HDAC4: variants seen among roughly 807,000 people sequenced by gnomAD.
The protein encoded by HDAC4 is histone deacetylase A.
A neutral mutation model predicts 135.1 loss-of-function variants in HDAC4; 16 were observed. The ratio of observed to expected loss-of-function variants is 0.12; its 90% CI spans 0.08 to 0.18. The LOEUF is 0.18. Among genes scored for constraint, HDAC4 ranks in the 10% least tolerant of loss-of-function variants. The probability of loss-of-function intolerance (pLI) is 1.00; values close to 1 mark genes in which losing one functional copy is unlikely to be tolerated. For missense variants in HDAC4, 1,143 were observed against 1,511.8 expected (o/e 0.76, Z 4.05); for synonymous variants, 685 against 653.4 (o/e 1.05, Z -0.74).
Position 239,336,633 on chromosome 2 carries a change from G to T in HDAC4, c.22+16045C>A, listed in dbSNP as rs116271442. Among the ~76,000 whole-genome samples, 215 of 152,300 alleles carry T rather than the reference G, an allele frequency of 1.4e-3. 1 individual carries two copies. Among genetic ancestry groups the T allele is most frequent in the African/African-American group, 5.1e-3 (211 of 41,550 alleles). On this transcript the variant is annotated intron_variant, in intron 2 of 26. Transcript: ENST00000543185. The stretch of plus-strand genomic sequence containing the variant: ...AGTATCTATAAATGTACTTCATTTT[G>T]TGAACTCAAAATTCTTGACATATTT...
intron 3 of HDAC4, among the ~76,000 whole-genome samples, chr2:239,196,857 G>A (rs1454638199): frequency 6.6e-6 from 1 of 152,194 alleles, no homozygotes; most frequent in South Asian, 2.1e-4. Flanking sequence ...CAGAGGTCAG[G>A]CACAGACAAG....
chr2:239,057,061 A>T (rs548818083), intron 24 of HDAC4, among the ~76,000 whole-genome samples: 42 of 152,336 alleles, frequency 2.8e-4, no homozygotes, highest in African/African-American at 1.0e-3. Flanking sequence ...AAAGCTGGTG[A>T]CATCCAAATA....
chr2:239,380,015 C>T (rs999586586), intron 1 of HDAC4, among the ~76,000 whole-genome samples: 2 of 152,158 alleles, frequency 1.3e-5, no homozygotes, highest in East Asian at 1.9e-4. Context: ...GCCATCCAGC[C>T]GGGGGCGCCA....
intron 25 of HDAC4, among the ~76,000 whole-genome samples, chr2:239,054,384 T>C (rs1279802084): frequency 6.6e-6 from 1 of 152,054 alleles, no homozygotes; most frequent in Admixed American, 6.5e-5. Context: ...GACGTGGGCT[T>C]CTCTGGTCCA....
In HDAC4 at chr2:239,049,448, C is replaced by T. The variant is rs1445920883; in HGVS notation, c.*3649G>A. The T allele has an allele frequency of 1.3e-5, 2 of 151,696 alleles. No individual in the cohort carries two copies. Among genetic ancestry groups the T allele is most frequent in the Non-Finnish European group, 2.9e-5 (2 of 67,898 alleles). The allele number at this position is 151,696 out of a possible 1,614,324, so 9.4% of individuals were successfully genotyped here. ...CCATGCAACCTCCAGGTGTAGGAAACTTAAAAAAATATATTCATATATATT... is the reference window on the plus strand; with the variant it reads ...CCATGCAACCTCCAGGTGTAGGAAATTTAAAAAAATATATTCATATATATT... On this transcript the variant is annotated 3_prime_UTR_variant, in exon 27 of 27. Coordinates refer to ENST00000543185, the MANE Select transcript of HDAC4 (RefSeq NM_001378414.1).
At chr2:239,266,591 A>G (rs1474491793) in intron 2 of HDAC4, among the ~76,000 whole-genome samples, 1 of 152,228 alleles carries the variant, frequency 6.6e-6, no homozygotes, top group Non-Finnish European at 1.5e-5. Context: ...CTGGGAAATT[A>G]TAAGCCACTG....
At chr2:239,188,675 C>T (rs762195710) in intron 4 of HDAC4, among the ~76,000 whole-genome samples, 63 of 152,366 alleles carry the variant, frequency 4.1e-4, no homozygotes, top group Non-Finnish European at 5.7e-4. Context: ...CAGTGGCTTG[C>T]CAAGACTTAG....
chr2:239,139,070 G>A lies in HDAC4; in HGVS notation c.978+614C>T, dbSNP rs2041168687. Among the ~76,000 whole-genome samples the A allele has an allele frequency of 6.6e-6, 1 of 152,224 alleles. No homozygotes were observed. The highest frequency in any genetic ancestry group is 2.4e-5 in the African/African-American group (1 of 41,468). On this transcript the variant is annotated intron_variant, in intron 9 of 26. Coordinates refer to ENST00000543185, the MANE Select transcript of HDAC4 (RefSeq NM_001378414.1). The surrounding 1 kb of genome is among the most constrained non-coding windows in gnomAD (Gnocchi z 5.3). ...CACTTGGGGTCTGATGAAGGCAGGG[G>A]ACCAGGGGTGCTGAGCTCTGCGGTC... is the stretch of plus-strand genomic sequence containing the variant.
At chr2:239,345,265 C>T (rs966957296) in intron 2 of HDAC4, among the ~76,000 whole-genome samples, 3 of 152,132 alleles carry the variant, frequency 2.0e-5, no homozygotes, top group African/African-American at 7.2e-5. Flanking sequence ...TTGTAGTACT[C>T]CTGGCCGGAT....
intron 3 of HDAC4, among the ~76,000 whole-genome samples, chr2:239,212,747 G>A (rs605614): frequency 0.54 from 82,211 of 151,950 alleles, 23,344 homozygotes; most frequent in South Asian, 0.72. Flanking sequence ...GGAGGAGCTG[G>A]GAGGGTCCTC....
intron 2 of HDAC4, among the ~76,000 whole-genome samples, chr2:239,332,488 T>C (rs555075871): frequency 2.6e-5 from 4 of 152,126 alleles, no homozygotes; most frequent in Admixed American, 1.3e-4. Flanking sequence ...ATATTTCTAA[T>C]TAACACAAGT....
chr2:239,205,366 C>T (rs953723701), intron 3 of HDAC4, among the ~76,000 whole-genome samples: 3 of 152,150 alleles, frequency 2.0e-5, no homozygotes, highest in South Asian at 4.2e-4. Context: ...ATATGGGCAA[C>T]GTTATCCAAC....
chr2:239,090,676 G>T (rs2036430612), intron 17 of HDAC4, among the ~76,000 whole-genome samples: 1 of 150,788 alleles, frequency 6.6e-6, no homozygotes, highest in African/African-American at 2.4e-5. Context: ...GAAACTTTTT[G>T]AGCGCTTACG....
chr2:239,357,878 G>A (rs1180599948), intron 1 of HDAC4, among the ~76,000 whole-genome samples: 1 of 108,638 alleles, frequency 9.2e-6, no homozygotes, highest in Non-Finnish European at 1.7e-5. Context: ...GACAGAGCAA[G>A]CCTCTGTTCC....
intron 15 of HDAC4, among the ~76,000 whole-genome samples, chr2:239,107,515 C>T (rs1392953063): frequency 6.6e-6 from 1 of 152,258 alleles, no homozygotes; most frequent in East Asian, 1.9e-4. Flanking sequence ...TCACGACCCA[C>T]TGCCTCGCCA....
At position 239,060,066 on chromosome 2, in the gene HDAC4, C is replaced by T. The variant is rs577670908; in HGVS notation, c.3004-5233G>A. On this transcript the variant is annotated intron_variant, in intron 24 of 26. Transcript: ENST00000543185. ...CCAGCCTGGCTCTGTCCCAGTCCTC[C>T]GCCGGTGGAAACAGGGCACCCTTCA... 2.5e-4 allele frequency among the ~76,000 whole-genome samples: 38 copies of T among 152,340 alleles called. 1 individual carries two copies. Among genetic ancestry groups the T allele is most frequent in the South Asian group, 1.9e-3 (9 of 4,830 alleles).
chr2:239,211,079 A>G (rs926543666), intron 3 of HDAC4, among the ~76,000 whole-genome samples: 1 of 152,064 alleles, frequency 6.6e-6, no homozygotes, highest in Admixed American at 6.5e-5. Context: ...TAAACGTTAC[A>G]ATACCTGCAG....
intron 23 of HDAC4, 68 bp from the exon 24 acceptor site, chr2:239,066,923 C>G: frequency 6.4e-7 from 1 of 1,564,192 alleles, no homozygotes; most frequent in Non-Finnish European, 8.7e-7. Flanking sequence ...CCCAGAAACG[C>G]GTCTCATGGC....
rs1167619284 is a variant in HDAC4, at chr2:239,385,830, G to A, written c.-220+15148C>T. 3.3e-5 allele frequency among the ~76,000 whole-genome samples: 5 copies of A among 152,178 alleles called. 1 individual carries two copies. In the South Asian group the frequency reaches 6.2e-4, roughly 19 times the overall value. On this transcript the variant is annotated intron_variant, in intron 1 of 26. Transcript: ENST00000543185. ...GGAGGCTGTGATGACCCTTCCTGCC[G>A]GTACAGAATCAAAAAGAGGCCACTG...
Sources: allele counts gnomAD v4.1 joint callset (sites outside exome capture counted in the v4.1 genomes callset), GRCh38; gene constraint gnomAD v4.1.1; non-coding constraint Gnocchi (gnomAD v3.1); transcripts MANE v1.5; gene names NCBI Gene and HGNC (gene_info 2026-07-23, HGNC 2026-07-21).